TENM4: variants seen among roughly 807,000 people sequenced by gnomAD.
The protein encoded by TENM4 is teneurin-4.
Under a neutral mutation model 243.3 loss-of-function variants are expected in TENM4, and 82 were observed. The observed-to-expected ratio is 0.34, with a 90% CI of 0.28 to 0.40. The LOEUF (loss-of-function observed/expected upper bound fraction) is 0.40. Ranked by LOEUF, TENM4 falls within the 10% of genes least tolerant of loss-of-function variation. TENM4 has a pLI of 1.00. For missense variants in TENM4, 3,138 were observed against 3,673.3 expected (o/e 0.85, Z 3.77); for synonymous variants, 1,412 against 1,456.3 (o/e 0.97, Z 0.69).
chr11:78,803,276 A>G (rs963431026), intron 15 of TENM4, among the ~76,000 whole-genome samples: 2 of 151,606 alleles, frequency 1.3e-5, no homozygotes, highest in African/African-American at 4.8e-5. Context: ...TGATCTACCC[A>G]CCTCGGCCTC....
chr11:79,099,868 T>C (rs1390615226), intron 4 of TENM4, among the ~76,000 whole-genome samples: 2 of 152,232 alleles, frequency 1.3e-5, no homozygotes, highest in Admixed American at 1.3e-4. Context: ...ACTGTAACCT[T>C]CATGGGTGCC....
In TENM4 at chr11:79,411,108, G is replaced by A. The variant is rs553086440; in HGVS notation, c.-321+29401C>T. 2.6e-5 allele frequency among the ~76,000 whole-genome samples: 4 copies of A among 152,322 alleles called. No individual in the cohort carries two copies. The South Asian group carries it at 6.2e-4, about 24-fold the overall frequency. ...GGCTACTTGGCCATTTCACAGATAG[G>A]AAAAGTGAGGCTCAGAGAGGGTAAG... On this transcript the variant is annotated intron_variant, in intron 1 of 33. Coordinates refer to ENST00000278550, the MANE Select transcript of TENM4 (RefSeq NM_001098816.3).
chr11:79,440,726 C>A lies in TENM4; in HGVS notation c.-538G>T, dbSNP rs1472872764. On this transcript the variant is annotated 5_prime_UTR_variant, in exon 1 of 34. Coordinates refer to ENST00000278550, the MANE Select transcript of TENM4 (RefSeq NM_001098816.3). This position sits in a 1 kb window ranked among gnomAD's most constrained non-coding sequence, Gnocchi z 4.7. Reference sequence around the variant, plus strand: ...AGCGGAGCCCCAGCGAGCCTCCAGCCGCGCGCGCACGACCGGCTCCCGCTC... The same window carrying A: ...AGCGGAGCCCCAGCGAGCCTCCAGCAGCGCGCGCACGACCGGCTCCCGCTC... 1 of 152,460 alleles carries A rather than the reference C, an allele frequency of 6.6e-6. No homozygotes were observed. The highest frequency in any genetic ancestry group is 2.4e-5 in the African/African-American group (1 of 41,428). 9.4% of individuals were successfully genotyped at this position (152,460 alleles called of 1,614,324 possible).
chr11:79,199,902 A>T (rs1565246866), intron 3 of TENM4, among the ~76,000 whole-genome samples: 1 of 152,156 alleles, frequency 6.6e-6, no homozygotes, highest in Non-Finnish European at 1.5e-5. Flanking sequence ...CAAGGGTGAA[A>T]AGTGGTTCCC....
At chr11:78,780,999 GC>G (rs1393847357) in intron 16 of TENM4, among the ~76,000 whole-genome samples, 2 of 152,174 alleles carry the variant, frequency 1.3e-5, no homozygotes, top group East Asian at 1.9e-4. Flanking sequence ...GCTGGTAACA[GC>G]CAGTTAATAC....
intron 23 of TENM4, among the ~76,000 whole-genome samples, chr11:78,724,227 A>G (rs943579113): frequency 6.6e-6 from 1 of 152,044 alleles, no homozygotes; most frequent in African/African-American, 2.4e-5. Flanking sequence ...TGGGACCACA[A>G]GCATGTGCAA....
chr11:78,855,395 T>G lies in TENM4; in HGVS notation c.1470+569A>C, dbSNP rs115380258. Reference sequence around the variant, plus strand: ...GTCAGTCATCCTGGACAAGGTTTTTTCAGTGTTTCTGGTGTGCATGTGTTT... The same window carrying G: ...GTCAGTCATCCTGGACAAGGTTTTTGCAGTGTTTCTGGTGTGCATGTGTTT... On this transcript the variant is annotated intron_variant, in intron 11 of 33. Coordinates refer to ENST00000278550, the MANE Select transcript of TENM4 (RefSeq NM_001098816.3). Among the ~76,000 whole-genome samples, 610 of 152,326 alleles carry G rather than the reference T, an allele frequency of 4.0e-3. 6 individuals are homozygous for G. Among genetic ancestry groups the G allele is most frequent in the African/African-American group, 0.014 (576 of 41,572 alleles).
At chr11:78,817,745 A>C (rs537116713) in intron 12 of TENM4, among the ~76,000 whole-genome samples, 1 of 152,326 alleles carries the variant, frequency 6.6e-6, no homozygotes, top group African/African-American at 2.4e-5. Flanking sequence ...GGAGTATAGA[A>C]CAGAAAGGCA....
chr11:79,042,368 A>G (rs1859555558), intron 6 of TENM4, among the ~76,000 whole-genome samples: 1 of 152,116 alleles, frequency 6.6e-6, no homozygotes, highest in African/African-American at 2.4e-5. Context: ...TAATACCTAA[A>G]CCCCAAATGT....
intron 30 of TENM4, 116 bp from the exon 31 acceptor site, chr11:78,672,445 A>G (rs2135681222): frequency 1.9e-6 from 2 of 1,051,504 alleles, no homozygotes; most frequent in East Asian, 4.9e-5. Flanking sequence ...GAGGGAGCAC[A>G]GTCCTGCGCA....
chr11:78,906,051 T>C (rs1219962877), intron 6 of TENM4, among the ~76,000 whole-genome samples: 1 of 152,226 alleles, frequency 6.6e-6, no homozygotes, highest in Non-Finnish European at 1.5e-5. Flanking sequence ...TACTGTCCAA[T>C]GGTTATCAAG....
chr11:78,817,029 A>G (rs1857619603), intron 12 of TENM4, among the ~76,000 whole-genome samples: 1 of 152,186 alleles, frequency 6.6e-6, no homozygotes, highest in Non-Finnish European at 1.5e-5. Context: ...CTGTTCTAAA[A>G]TTCTATGAGT....
At position 79,238,316 on chromosome 11, in the gene TENM4, T is replaced by C. The variant is rs1864517282; in HGVS notation, c.-264-22407A>G. The stretch of plus-strand genomic sequence containing the variant: ...ATATCTGGTTAAACATTATTTCTGG[T>C]TGTGTCTGTGAGGGTGTTTCTGGGA... On this transcript the variant is annotated intron_variant, in intron 2 of 33. Coordinates refer to ENST00000278550, the MANE Select transcript of TENM4 (RefSeq NM_001098816.3). Among the ~76,000 whole-genome samples, 4 of 152,094 alleles carry C rather than the reference T, an allele frequency of 2.6e-5. No homozygotes were observed. In the South Asian group the frequency reaches 6.2e-4, roughly 24 times the overall value.
Position 78,892,043 on chromosome 11 carries a change from A to G in TENM4, c.750-707T>C, listed in dbSNP as rs138207535. 6.6e-3 allele frequency among the ~76,000 whole-genome samples: 1,003 copies of G among 152,312 alleles called. 11 individuals are homozygous for G. The highest frequency in any genetic ancestry group is 0.036 in the East Asian group (187 of 5,162). ...TAATGCTGACCATGGTCAGAGGATC[A>G]TCGTCCTTTAGCGGTGCAGGGACCT... On this transcript the variant is annotated intron_variant, in intron 7 of 33. Coordinates refer to ENST00000278550, the MANE Select transcript of TENM4 (RefSeq NM_001098816.3).
chr11:79,320,144 C>T (rs548616622), intron 1 of TENM4, among the ~76,000 whole-genome samples: 1 of 152,326 alleles, frequency 6.6e-6, no homozygotes, highest in East Asian at 1.9e-4. Flanking sequence ...CCTCTGACTC[C>T]TGAAAACATC....
chr11:79,371,645 C>G (rs903166793), intron 1 of TENM4, among the ~76,000 whole-genome samples: 2 of 152,204 alleles, frequency 1.3e-5, no homozygotes, highest in Non-Finnish European at 2.9e-5. Flanking sequence ...TGCCCCTCCC[C>G]AGGTGTGCTT....
intron 2 of TENM4, among the ~76,000 whole-genome samples, chr11:79,230,231 C>A (rs1442945277): frequency 1.3e-5 from 2 of 152,206 alleles, no homozygotes; most frequent in African/African-American, 2.4e-5. Context: ...AGCCACTGTT[C>A]CTTCTTTCAG....
At chr11:79,095,758 T>G (rs1168787025) in intron 4 of TENM4, among the ~76,000 whole-genome samples, 2 of 152,266 alleles carry the variant, frequency 1.3e-5, no homozygotes, top group African/African-American at 4.8e-5. Context: ...CAAGAGGTGC[T>G]GGGTCACTCA....
At chr11:78,929,905 T>G (rs1344146677) in intron 6 of TENM4, among the ~76,000 whole-genome samples, 1 of 152,212 alleles carries the variant, frequency 6.6e-6, no homozygotes, top group African/African-American at 2.4e-5. Context: ...ATTAAGATTC[T>G]GGACAGAACA....
Sources: gnomAD v4.1 joint callset for allele counts (sites outside exome capture counted in the v4.1 genomes callset) on GRCh38, gnomAD v4.1.1 for gene constraint, Gnocchi (gnomAD v3.1) non-coding constraint, MANE v1.5 for transcripts, NCBI Gene and HGNC (gene_info 2026-07-23, HGNC 2026-07-21) for gene names.